ROR2: variants seen among roughly 807,000 people sequenced by gnomAD.
ROR2 encodes the protein ROR family WNT receptor 2, also known as tyrosine-protein kinase transmembrane receptor ROR2.
In ROR2, 33 loss-of-function variants were observed where a neutral mutation model predicts 74.9. The ratio of observed to expected loss-of-function variants is 0.44; its 90% CI spans 0.33 to 0.59. The LOEUF (loss-of-function observed/expected upper bound fraction) is 0.59. Ranked by LOEUF, ROR2 falls within the 20% of genes least tolerant of loss-of-function variation. ROR2 has a pLI of 0.02. For missense variants in ROR2, 1,216 were observed against 1,313.8 expected (o/e 0.93, Z 1.15); for synonymous variants, 586 against 558.7 (o/e 1.05, Z -0.69).
rs568954668 is a variant in ROR2 at position 91,875,995 on chromosome 9, G to A, written c.97+73872C>T. On this transcript the variant is annotated intron_variant, in intron 1 of 8. Coordinates refer to ENST00000375708, the MANE Select transcript of ROR2 (RefSeq NM_004560.4). The stretch of plus-strand genomic sequence containing the variant: ...GCCAACTGCTATCTCAACTGAGCTC[G>A]GAGCAGACCTGGCACTCAGGCATTT... 2.1e-4 allele frequency among the ~76,000 whole-genome samples: 32 copies of A among 151,992 alleles called. No individual in the cohort carries two copies. The East Asian group carries it at 5.2e-3, about 25-fold the overall frequency.
intron 4 of ROR2, among the ~76,000 whole-genome samples, chr9:91,743,378 C>G (rs1355550296): frequency 6.6e-6 from 1 of 152,104 alleles, no homozygotes; most frequent in Non-Finnish European, 1.5e-5. Context: ...TCAAGACCAG[C>G]CTGGCCAACA....
chr9:91,923,286 T>G (rs1003271403), intron 1 of ROR2, among the ~76,000 whole-genome samples: 1 of 152,202 alleles, frequency 6.6e-6, no homozygotes, highest in African/African-American at 2.4e-5. Context: ...CTGTCCAGTG[T>G]GGCCTCCAGC....
At chr9:91,774,025 G>A (rs1302842943) in intron 2 of ROR2, among the ~76,000 whole-genome samples, 4 of 152,246 alleles carry the variant, frequency 2.6e-5, no homozygotes, top group Non-Finnish European at 5.9e-5. Context: ...ATCTTGCGCA[G>A]AGCCAGCTAT....
At chr9:91,907,572 T>C (rs992896773) in intron 1 of ROR2, among the ~76,000 whole-genome samples, 18 of 152,108 alleles carry the variant, frequency 1.2e-4, no homozygotes, top group Non-Finnish European at 8.8e-5. Context: ...GTCAATTAAG[T>C]CATCTTTCTG....
chr9:91,779,433 G>C (rs982784061), intron 1 of ROR2, among the ~76,000 whole-genome samples: 1 of 150,002 alleles, frequency 6.7e-6, no homozygotes, highest in African/African-American at 2.5e-5. Context: ...TGCAGTGGTG[G>C]GATCTCAGCT....
intron 1 of ROR2, among the ~76,000 whole-genome samples, chr9:91,788,803 G>A (rs945960947): frequency 6.6e-6 from 1 of 150,842 alleles, no homozygotes; most frequent in African/African-American, 2.4e-5. Flanking sequence ...GGCGGAGGTT[G>A]CAGTGAGCTG....
intron 1 of ROR2, among the ~76,000 whole-genome samples, chr9:91,828,993 A>G (rs1828373607): frequency 6.6e-6 from 1 of 152,242 alleles, no homozygotes; most frequent in Non-Finnish European, 1.5e-5. Context: ...GTGTCTCATC[A>G]TCTCCCTATT....
intron 1 of ROR2, among the ~76,000 whole-genome samples, chr9:91,799,298 T>C (rs940200122): frequency 6.6e-6 from 1 of 151,944 alleles, no homozygotes; most frequent in Non-Finnish European, 1.5e-5. Context: ...CTCTCATGAG[T>C]GGAATCCAGG....
intron 1 of ROR2, among the ~76,000 whole-genome samples, chr9:91,878,966 C>A (rs926893679): frequency 2.0e-5 from 3 of 151,820 alleles, no homozygotes; most frequent in Admixed American, 6.6e-5. Context: ...GGCGTGAACC[C>A]GGGAGGCGGA....
chr9:91,892,304 C>A (rs1301245694), intron 1 of ROR2, among the ~76,000 whole-genome samples: 1 of 152,200 alleles, frequency 6.6e-6, no homozygotes, highest in East Asian at 1.9e-4. Context: ...AAACTTGGGG[C>A]ATCTTCAAAT....
rs750264519 is a variant in ROR2 at position 91,724,532 on chromosome 9, C to T, written c.1962G>A (p.Leu654=). The change falls in exon 9 of 9, where the codon CTG becomes CTA. Residue 654 remains leucine (L), a synonymous_variant. Transcript: ENST00000375708. ...DYYKLLGNSL[L]PIRWMAPEAI... is the part of the protein sequence containing the mutation. ...CCTCTGGGGCCATCCAGCGGATAGG[C>T]AGCAGCGAGTTCCCCAGCAGCTTGT... 1.9e-5 allele frequency: 30 copies of T among 1,614,090 alleles called. No homozygotes were observed. Among genetic ancestry groups the T allele is most frequent in the Non-Finnish European group, 2.5e-5 (30 of 1,180,052 alleles).
intron 1 of ROR2, among the ~76,000 whole-genome samples, chr9:91,863,157 T>C (rs746587409): frequency 3.3e-5 from 5 of 152,250 alleles, no homozygotes; most frequent in African/African-American, 9.6e-5. Flanking sequence ...GCAAACAATC[T>C]GGCAGTTCTT....
chr9:91,737,722 T>G (rs1387852167), intron 4 of ROR2, among the ~76,000 whole-genome samples: 2 of 152,190 alleles, frequency 1.3e-5, no homozygotes, highest in Non-Finnish European at 2.9e-5. Flanking sequence ...TTGTCAAAAC[T>G]TGGAAGCAAT....
intron 1 of ROR2, among the ~76,000 whole-genome samples, chr9:91,790,605 TTACTA>T (rs1164695446): frequency 6.6e-6 from 1 of 152,222 alleles, no homozygotes; most frequent in African/African-American, 2.4e-5. Flanking sequence ...GTTTATGTAC[TTACTA>T]TACTATACTT....
At chr9:91,847,049 A>G (rs1337939805) in intron 1 of ROR2, among the ~76,000 whole-genome samples, 1 of 152,198 alleles carries the variant, frequency 6.6e-6, no homozygotes, top group African/African-American at 2.4e-5. Flanking sequence ...AAAGGCTCAC[A>G]GACACAAATG....
At chr9:91,828,596 C>G (rs1828363230) in intron 1 of ROR2, among the ~76,000 whole-genome samples, 1 of 152,142 alleles carries the variant, frequency 6.6e-6, no homozygotes, top group Non-Finnish European at 1.5e-5. Context: ...CGCCTGTAAT[C>G]CCAGGTACTC....
intron 1 of ROR2, among the ~76,000 whole-genome samples, chr9:91,929,291 G>C (rs973682731): frequency 2.0e-5 from 3 of 152,212 alleles, no homozygotes. Context: ...GTGAAGGAAC[G>C]CAAGGGAGGG....
rs191784274 is a variant in ROR2, at chr9:91,793,246, G to A, written c.98-17428C>T. 6.4e-3 allele frequency among the ~76,000 whole-genome samples: 970 copies of A among 152,244 alleles called. 3 individuals are homozygous for A. The highest frequency in any genetic ancestry group is 0.011 in the Non-Finnish European group (717 of 68,022). ...AACACATGGATTGACAGATCAATAG[G>A]ATGGAATTTGAGAATAGAGAAATGA... is the stretch of plus-strand genomic sequence containing the variant. On this transcript the variant is annotated intron_variant, in intron 1 of 8. Coordinates refer to ENST00000375708, the MANE Select transcript of ROR2 (RefSeq NM_004560.4).
rs1443684653 is a variant in ROR2, at chr9:91,905,098, A to G, written c.97+44769T>C. On this transcript the variant is annotated intron_variant, in intron 1 of 8. Transcript: ENST00000375708. The surrounding 1 kb of genome is among the most constrained non-coding windows in gnomAD (Gnocchi z 5.3). ...ATACCACACACAGCACATACACAAAACTCATACACCACAAACCACATATCA... is the reference window on the plus strand; with the variant it reads ...ATACCACACACAGCACATACACAAAGCTCATACACCACAAACCACATATCA... 4.6e-5 allele frequency among the ~76,000 whole-genome samples: 7 copies of G among 151,352 alleles called. No homozygotes were observed. Among genetic ancestry groups the G allele is most frequent in the African/African-American group, 1.7e-4 (7 of 41,158 alleles).
Sources: gnomAD v4.1 joint callset for allele counts (sites outside exome capture counted in the v4.1 genomes callset) on GRCh38, gnomAD v4.1.1 for gene constraint, Gnocchi (gnomAD v3.1) non-coding constraint, MANE v1.5 for transcripts, NCBI Gene and HGNC (gene_info 2026-07-23, HGNC 2026-07-21) for gene names.